The following INO80 variants were observed in gnomAD, a reference collection of about 807,000 sequenced individuals.
INO80 encodes the protein INO80 complex ATPase subunit.
INO80 carries 20 observed loss-of-function variants against 203.4 expected under a neutral mutation model. The ratio of observed to expected loss-of-function variants is 0.10; its 90% CI spans 0.07 to 0.14. The LOEUF is 0.14. INO80 is among the 10% of genes least tolerant of loss of function. The pLI is 1.00. For synonymous variants in INO80, 726 were observed against 685.2 expected, an observed-to-expected ratio of 1.06 and a Z score of -0.93; for missense variants, 1,419 against 1,914.4, an observed-to-expected ratio of 0.74 and a Z score of 4.83.
intron 27 of INO80, among the ~76,000 whole-genome samples, chr15:41,013,659 A>G (rs553492522): frequency 3.3e-5 from 5 of 152,340 alleles, no homozygotes; most frequent in Admixed American, 2.6e-4. Context: ...TGAGTGGGTA[A>G]TATTAAAACA....
At chr15:40,999,500 A>C (rs1413773904) in intron 28 of INO80, 1 of 152,228 alleles carries the variant, frequency 6.6e-6, no homozygotes, top group Non-Finnish European at 1.5e-5. Context: ...CAACTTTCCT[A>C]CAGAGGCATG....
At chr15:41,080,407 T>G (rs1334875667) in intron 8 of INO80, among the ~76,000 whole-genome samples, 1 of 152,200 alleles carries the variant, frequency 6.6e-6, no homozygotes, top group Non-Finnish European at 1.5e-5. Flanking sequence ...GAAGTTGTTT[T>G]AGTCTCCTCT....
intron 11 of INO80, 24 bp from the exon 12 acceptor site, chr15:41,072,082 T>A (rs762728009): frequency 1.3e-4 from 168 of 1,245,394 alleles, no homozygotes; most frequent in Middle Eastern, 2.8e-4. Context: ...AAAAAAAAAA[T>A]TAGAAAAAAA....
chr15:41,086,151 A>T (rs575431138), intron 6 of INO80, among the ~76,000 whole-genome samples: 89 of 152,334 alleles, frequency 5.8e-4, no homozygotes, highest in African/African-American at 2.1e-3. Flanking sequence ...TGTGGGGAAA[A>T]TAAGAAAAAA....
At chr15:41,007,542 A>T (rs1178024203) in intron 27 of INO80, among the ~76,000 whole-genome samples, 1 of 152,068 alleles carries the variant, frequency 6.6e-6, no homozygotes. Flanking sequence ...TGAATCTTCT[A>T]GTAAATTTTG....
chr15:41,013,101 A>AACAACAACAACAACAACAACCACC (rs1256137340), intron 27 of INO80: 4 of 151,676 alleles, frequency 2.6e-5, no homozygotes, highest in Admixed American at 6.6e-5. Context: ...CAACAACAAC[A>AACAACAACAACAACAACAACCACC]ACCACCACAA....
chr15:41,016,802 C>T (rs1408391055), intron 26 of INO80: 2 of 152,456 alleles, frequency 1.3e-5, no homozygotes, highest in Non-Finnish European at 2.9e-5. Flanking sequence ...AAGTGATCCT[C>T]CCATCTCAGC....
At position 41,085,589 on chromosome 15, in the gene INO80, A is replaced by G. The variant is rs778218722; in HGVS notation, c.659-6T>C. 1.2e-6 allele frequency: 2 copies of G among 1,612,294 alleles called. No homozygotes were observed. The highest frequency in any genetic ancestry group is 8.5e-7 in the Non-Finnish European group (1 of 1,178,916). On this transcript the variant is annotated splice_polypyrimidine_tract_variant and splice_region_variant and intron_variant, in intron 6 of 35. Coordinates refer to ENST00000648947, the MANE Select transcript of INO80 (RefSeq NM_017553.3). ...CTTCACTTTTTTCAACTTAGCTGCA[A>G]AAGAAACAGATGCAACAGGTTGCAC... is the stretch of plus-strand genomic sequence containing the variant.
intron 25 of INO80, among the ~76,000 whole-genome samples, chr15:41,027,201 T>C (rs2044388487): frequency 6.6e-6 from 1 of 152,138 alleles, no homozygotes; most frequent in Admixed American, 6.5e-5. Flanking sequence ...CCGGATCAAA[T>C]CTCCCCCAAT....
At chr15:41,051,934 G>T (rs1345852512) in intron 19 of INO80, among the ~76,000 whole-genome samples, 1 of 152,076 alleles carries the variant, frequency 6.6e-6, no homozygotes, top group East Asian at 1.9e-4. Context: ...CTCCAGCCTG[G>T]TCGACAGAGC....
In INO80 at chr15:41,092,046, T is replaced by G. The variant is rs750759862; in HGVS notation, c.518A>C (p.Lys173Thr). The G allele has an allele frequency of 6.2e-6, 10 of 1,609,714 alleles. No individual in the cohort carries two copies. The highest frequency in any genetic ancestry group is 7.7e-6 in the Non-Finnish European group (9 of 1,176,438). The part of the protein sequence containing the change: ...LHKYKKLHQN[K>T]YSKDKELQQY... ...TCTTACCTCCTTGTCTTTACTATAC[T>G]TATTTTGGTGAAGTTTCTTATATTT... The change falls in exon 5 of 36, where the codon AAG becomes ACG. Residue 173 changes from lysine to threonine, a missense_variant. Physicochemically the swap from Lys to Thr is moderately conservative, Grantham distance 78. This residue lies in a region of INO80 where 323 missense variants were observed against 325.4 expected (regional missense o/e 0.99). Transcript: ENST00000648947.
chr15:41,065,785 C>T (rs1052823637), intron 14 of INO80, among the ~76,000 whole-genome samples: 7 of 152,094 alleles, frequency 4.6e-5, no homozygotes, highest in African/African-American at 1.7e-4. Context: ...CAGACAGAAA[C>T]AGCATTCACA....
chr15:41,050,048 C>T lies in INO80; in HGVS notation c.2329G>A (p.Ala777Thr). The change falls in exon 20 of 36, where the codon GCA becomes ACA. Residue 777 changes from alanine (A) to threonine (T), a missense_variant. By Grantham distance (58) the Ala-to-Thr change is moderately conservative. This residue lies in a region of INO80 where 192 missense variants were observed against 406.7 expected (regional missense o/e 0.47). Transcript: ENST00000648947. ...TCAATGGAAATTTTGTTCTTTAGTGCCTGATATAGCAGCTTCTGTCGGCTG... is the reference window on the plus strand; with the variant it reads ...TCAATGGAAATTTTGTTCTTTAGTGTCTGATATAGCAGCTTCTGTCGGCTG... ...LTSRQKLLYQ[A>T]LKNKISIEDL... 6.2e-7 allele frequency: 1 copy of T among 1,613,728 alleles called. No individual in the cohort carries two copies. Among genetic ancestry groups the T allele is most frequent in the Non-Finnish European group, 8.5e-7 (1 of 1,179,714 alleles).
intron 13 of INO80, 106 bp downstream of exon 13, chr15:41,070,361 C>T: frequency 1.0e-6 from 1 of 990,568 alleles, no homozygotes; most frequent in South Asian, 1.4e-5. Flanking sequence ...GTCCCACTAT[C>T]TTGGAATGCT....
At chr15:41,044,540 G>A (rs1456296249) in intron 24 of INO80, among the ~76,000 whole-genome samples, 5 of 152,032 alleles carry the variant, frequency 3.3e-5, no homozygotes, top group East Asian at 3.8e-4. Flanking sequence ...TTAATTGTTG[G>A]TTTGTCTTTT....
intron 29 of INO80, among the ~76,000 whole-genome samples, chr15:40,989,014 C>CAAA (rs55929719): frequency 2.8e-5 from 4 of 144,854 alleles, no homozygotes; most frequent in Non-Finnish European, 4.6e-5. Context: ...GCCTCCGTCT[C>CAAA]AAAAAAAAAA....
chr15:40,987,909 G>A lies in INO80; in HGVS notation c.3636C>T (p.Arg1212=). ...VDQQAMDRAH[R]LGQTKQVTVY... ...CAGTAACCTGCTTTGTCTGCCCTAA[G>A]CGGTGGGCCCTGTCCATGGCCTGCT... The change falls in exon 30 of 36, where the codon CGC becomes CGT. Residue 1212 remains arginine (R), a synonymous_variant. Coordinates refer to ENST00000648947, the MANE Select transcript of INO80 (RefSeq NM_017553.3). The A allele has an allele frequency of 6.2e-7, 1 of 1,614,096 alleles. No homozygotes were observed. Among genetic ancestry groups the A allele is most frequent in the African/African-American group, 1.3e-5 (1 of 75,042 alleles).
At position 41,031,988 on chromosome 15, in the gene INO80, CACAGCACAGG is replaced by C. The variant is rs2044487236; in HGVS notation, c.2908-4262_2908-4253del. On this transcript the variant is annotated intron_variant, in intron 24 of 35. Coordinates refer to ENST00000648947, the MANE Select transcript of INO80 (RefSeq NM_017553.3). Reference sequence around the variant, plus strand: ...GACAGCACAGCACAGCACAGCACAGCACAGCACAGGACAGCACAGCACAGCACAGCACAGC... The same window carrying C: ...GACAGCACAGCACAGCACAGCACAGCACAGCACAGCACAGCACAGCACAGC... Among the ~76,000 whole-genome samples, 66 of 78,278 alleles carry C rather than the reference CACAGCACAGG, an allele frequency of 8.4e-4. 1 individual carries two copies. Among genetic ancestry groups the C allele is most frequent in the African/African-American group, 2.3e-3 (53 of 22,966 alleles). 51.4% of individuals were successfully genotyped at this position (78,278 alleles called of 152,430 possible). A position where few individuals can be genotyped will look rare whatever the true frequency, so the allele number is the denominator to read the frequency against.
intron 9 of INO80, among the ~76,000 whole-genome samples, chr15:41,077,375 A>C (rs2045421640): frequency 6.6e-6 from 1 of 151,402 alleles, no homozygotes; most frequent in African/African-American, 2.4e-5. Context: ...AAAAAAAAAA[A>C]ACCCAAAAGG....
Sources: gnomAD v4.1 joint callset for allele counts (sites outside exome capture counted in the v4.1 genomes callset) on GRCh38, gnomAD v4.1.1 for gene constraint, gnomAD v4.1.1 regional missense constraint, MANE v1.5 for transcripts, NCBI Gene and HGNC (gene_info 2026-07-23, HGNC 2026-07-21) for gene names.